CDH18: variants seen among roughly 807,000 people sequenced by gnomAD.
The protein encoded by CDH18 is cadherin-18.
A neutral mutation model predicts 67.9 loss-of-function variants in CDH18; 31 were observed. That is an observed-to-expected ratio of 0.46 (90% CI 0.34 to 0.62). The LOEUF (loss-of-function observed/expected upper bound fraction) is 0.62, where lower values mean the gene tolerates loss of function less well. Among genes scored for constraint, CDH18 ranks in the 20% least tolerant of loss-of-function variants. The probability of loss-of-function intolerance (pLI) is 0.01; values close to 1 mark genes in which losing one functional copy is unlikely to be tolerated. For synonymous variants in CDH18, 362 were observed against 347.2 expected (o/e 1.04, Z -0.48); for missense variants, 890 against 975.5 (o/e 0.91, Z 1.17).
Position 19,796,485 on chromosome 5 carries a change from T to C in CDH18, c.228+42274A>G, listed in dbSNP as rs770398290. 1.7e-3 allele frequency among the ~76,000 whole-genome samples: 258 copies of C among 152,200 alleles called. 2 individuals are homozygous for C. Among genetic ancestry groups the C allele is most frequent in the Middle Eastern group, 3.4e-3 (1 of 294 alleles). ...CAGATTCTGCATGTGGCAGAAATGC[T>C]CTTCAAGAATGAAGGAAAATAAAAC... On this transcript the variant is annotated intron_variant, in intron 3 of 12. Transcript: ENST00000382275.
chr5:19,964,359 T>C (rs1170491447), intron 2 of CDH18, among the ~76,000 whole-genome samples: 1 of 150,234 alleles, frequency 6.7e-6, no homozygotes, highest in Non-Finnish European at 1.5e-5. Flanking sequence ...GGTGGAAGGA[T>C]CACTTGAGCC....
rs924924323 is a variant in CDH18 at position 19,503,057 on chromosome 5, C to T, written c.1565G>A (p.Arg522Lys). ...GCGTTCATCAAGAAAGAAGTTAAAC[C>T]TTGGTCCATTGGCAAAATCATCTTT... Reference protein sequence around the residue: ...TDKDDFANGPRFNFFLDERLP... With the variant: ...TDKDDFANGPKFNFFLDERLP... The change falls in exon 11 of 13, where the codon AGG (arginine) becomes AAG (lysine). Residue 522 changes from arginine to lysine, a missense_variant. Physicochemically the swap from Arg to Lys is conservative, Grantham distance 26. Coordinates refer to ENST00000382275, the MANE Select transcript of CDH18 (RefSeq NM_004934.5). 1.9e-6 allele frequency: 3 copies of T among 1,612,870 alleles called. No individual in the cohort carries two copies. The highest frequency in any genetic ancestry group is 2.5e-6 in the Non-Finnish European group (3 of 1,179,074).
At chr5:20,056,576 A>AATGATCTT (rs1358664450) in intron 2 of CDH18, among the ~76,000 whole-genome samples, 2 of 144,980 alleles carry the variant, frequency 1.4e-5, no homozygotes, top group African/African-American at 5.1e-5. Flanking sequence ...AGTTATATCA[A>AATGATCTT]ATGATCTTTG....
chr5:19,945,461 G>A (rs1239633675), intron 2 of CDH18, among the ~76,000 whole-genome samples: 2 of 152,060 alleles, frequency 1.3e-5, no homozygotes, highest in African/African-American at 2.4e-5. Context: ...AGAAGTCCAG[G>A]ATTTAATCCA....
At chr5:19,822,942 C>G (rs1391216541) in intron 3 of CDH18, among the ~76,000 whole-genome samples, 3 of 152,142 alleles carry the variant, frequency 2.0e-5, no homozygotes, top group Admixed American at 2.0e-4. Context: ...CAGCCACACC[C>G]AAGGGGGCCA....
intron 2 of CDH18, among the ~76,000 whole-genome samples, chr5:20,134,679 T>C (rs1160235568): frequency 6.6e-6 from 1 of 152,176 alleles, no homozygotes; most frequent in Admixed American, 6.6e-5. Context: ...TAGTTATAGG[T>C]ACACAAAGTT....
At chr5:20,523,551 A>AC (rs1755876376) in intron 1 of CDH18, among the ~76,000 whole-genome samples, 1 of 151,832 alleles carries the variant, frequency 6.6e-6, no homozygotes, top group Non-Finnish European at 1.5e-5. Context: ...ATCATAACTT[A>AC]TTTTTTTTAG....
At chr5:20,477,651 A>ACGCC (rs1752530439) in intron 1 of CDH18, among the ~76,000 whole-genome samples, 1 of 152,180 alleles carries the variant, frequency 6.6e-6, no homozygotes, top group African/African-American at 2.4e-5. Context: ...GCTAGCCCCA[A>ACGCC]CGCCATGGGC....
rs543932699 is a variant in CDH18 at position 20,197,067 on chromosome 5, A to C, written c.-518+58377T>G. ...CGCTCTGTTGCCCAGGCTGGAGTGC[A>C]GTGGCAGGATCTCGGCTAACTGGAA... is the stretch of plus-strand genomic sequence containing the variant. On this transcript the variant is annotated intron_variant, in intron 2 of 14. Coordinates refer to the CDH18 transcript ENST00000507958. Among the ~76,000 whole-genome samples the C allele has an allele frequency of 2.6e-5, 4 of 152,188 alleles. No homozygotes were observed. The East Asian group carries it at 7.7e-4, about 29-fold the overall frequency.
intron 3 of CDH18, among the ~76,000 whole-genome samples, chr5:19,827,268 C>T (rs777946858): frequency 6.6e-6 from 1 of 150,786 alleles, no homozygotes; most frequent in Non-Finnish European, 1.5e-5. Context: ...TTGGATAACA[C>T]CACAGTAATA....
At chr5:19,611,946 A>ATGTGTG (rs1393076453) in intron 6 of CDH18, among the ~76,000 whole-genome samples, 9 of 54,434 alleles carry the variant, frequency 1.7e-4, no homozygotes, top group Non-Finnish European at 3.4e-4. Context: ...CTTTTGGATG[A>ATGTGTG]TGCGTGTGTG....
At chr5:19,547,687 T>C (rs347739) in intron 8 of CDH18, among the ~76,000 whole-genome samples, 16,565 of 152,144 alleles carry the variant, frequency 0.11, 1,365 homozygotes, top group African/African-American at 0.23. Context: ...AGAAAAATGG[T>C]AAGCATACTG....
chr5:20,458,908 A>G (rs1387736216), intron 1 of CDH18, among the ~76,000 whole-genome samples: 12 of 152,232 alleles, frequency 7.9e-5, no homozygotes. Flanking sequence ...CTATAGTCAC[A>G]TAAATGTGTA....
At position 19,839,194 on chromosome 5, in the gene CDH18, T is replaced by A; in HGVS notation, c.-208A>T. The stretch of plus-strand genomic sequence containing the variant: ...ACTTGGAAAATCAAAGCCGTAGTTG[T>A]CTGATTCCAACTCTTCACAGTAGTT... On this transcript the variant is annotated 5_prime_UTR_variant, in exon 3 of 13. Coordinates refer to ENST00000382275, the MANE Select transcript of CDH18 (RefSeq NM_004934.5). 1 of 535,874 alleles carries A rather than the reference T, an allele frequency of 1.9e-6. No individual in the cohort carries two copies. Among genetic ancestry groups the A allele is most frequent in the Non-Finnish European group, 3.3e-6 (1 of 299,436 alleles). The allele number at this position is 535,874 out of a possible 1,614,324, so 33.2% of individuals were successfully genotyped here. A position where few individuals can be genotyped will look rare whatever the true frequency, so the allele number is the denominator to read the frequency against.
intron 5 of CDH18, among the ~76,000 whole-genome samples, chr5:19,654,155 C>T (rs778345496): frequency 8.5e-5 from 13 of 152,150 alleles, no homozygotes; most frequent in South Asian, 4.1e-4. Context: ...GACTCACGTA[C>T]AGCCCTGTAA....
At chr5:20,227,256 T>C (rs1741707688) in intron 2 of CDH18, among the ~76,000 whole-genome samples, 1 of 152,160 alleles carries the variant, frequency 6.6e-6, no homozygotes, top group Non-Finnish European at 1.5e-5. Flanking sequence ...AGGGTCCATC[T>C]GAAAATTCAT....
intron 2 of CDH18, among the ~76,000 whole-genome samples, chr5:19,962,741 A>G (rs1797050184): frequency 2.0e-5 from 3 of 152,134 alleles, no homozygotes; most frequent in African/African-American, 7.2e-5. Context: ...GCACCACCGC[A>G]CTGCAGCCTG....
intron 2 of CDH18, among the ~76,000 whole-genome samples, chr5:20,223,816 G>A (rs1413834106): frequency 6.6e-6 from 1 of 152,070 alleles, no homozygotes; most frequent in Admixed American, 6.6e-5. Flanking sequence ...CTGCCACCAG[G>A]TAAAACGTGA....
intron 1 of CDH18, among the ~76,000 whole-genome samples, chr5:20,392,650 T>C (rs1276426770): frequency 1.3e-5 from 2 of 151,874 alleles, no homozygotes; most frequent in Non-Finnish European, 2.9e-5. Context: ...TGAAGACGGG[T>C]CTGGAATATA....
Sources: allele counts gnomAD v4.1 joint callset (sites outside exome capture counted in the v4.1 genomes callset), GRCh38; gene constraint gnomAD v4.1.1; transcripts MANE v1.5; gene names NCBI Gene and HGNC (gene_info 2026-07-23, HGNC 2026-07-21).